Variants in CYP51A1 observed in about 807,000 individuals in gnomAD.
CYP51A1 encodes the protein lanosterol 14-alpha demethylase.
Under a neutral mutation model 53.5 loss-of-function variants are expected in CYP51A1, and 45 were observed. The observed-to-expected ratio is 0.84, with a 90% confidence interval of 0.66 to 1.08. The LOEUF is 1.08. CYP51A1 is among the 50% of genes least tolerant of loss of function. The pLI, the probability that CYP51A1 is intolerant of heterozygous loss-of-function variation, is 0.00. For synonymous variants in CYP51A1, 181 were observed against 217.7 expected (o/e 0.83, Z 1.48); for missense variants, 462 against 621.7 (o/e 0.74, Z 2.73).
At chr7:92,116,796 T>C (rs1047023485) in intron 9 of CYP51A1, among the ~76,000 whole-genome samples, 2 of 152,154 alleles carry the variant, frequency 1.3e-5, no homozygotes, top group African/African-American at 4.8e-5. Context: ...TCTATAAAAA[T>C]TAGACCTAAT....
intron 8 of CYP51A1, 111 bp from the exon 9 acceptor site, chr7:92,117,323 G>C (rs1819599153): frequency 3.5e-6 from 3 of 866,662 alleles, no homozygotes; most frequent in Admixed American, 2.7e-5. Flanking sequence ...GATGCTCCTT[G>C]ACTTATGATA....
At chr7:92,122,462 G>T (rs1369992599) in intron 7 of CYP51A1, among the ~76,000 whole-genome samples, 1 of 152,008 alleles carries the variant, frequency 6.6e-6, no homozygotes, top group African/African-American at 2.4e-5. Flanking sequence ...ACACCAGCAA[G>T]TTTATATGTA....
intron 4 of CYP51A1, among the ~76,000 whole-genome samples, chr7:92,127,260 C>T: frequency 6.6e-6 from 1 of 152,202 alleles, no homozygotes; most frequent in East Asian, 1.9e-4. Context: ...GCCCTGTGGG[C>T]AGATGTTGCT....
At chr7:92,121,006 C>T (rs182936725) in intron 7 of CYP51A1, among the ~76,000 whole-genome samples, 4 of 152,146 alleles carry the variant, frequency 2.6e-5, no homozygotes, top group East Asian at 1.9e-4. Flanking sequence ...AAACAAAATA[C>T]CAACTGGGCA....
chr7:92,114,510 T>G (rs1377819976), intron 9 of CYP51A1, among the ~76,000 whole-genome samples: 1 of 152,156 alleles, frequency 6.6e-6, no homozygotes, highest in Non-Finnish European at 1.5e-5. Flanking sequence ...TTTTTATGGT[T>G]ATTTGATTAT....
intron 8 of CYP51A1, among the ~76,000 whole-genome samples, chr7:92,117,701 G>T (rs1819605516): frequency 6.6e-6 from 1 of 152,110 alleles, no homozygotes. Context: ...TTAAAGATTA[G>T]CATGTAGGCC....
chr7:92,134,054 A>G (rs966396294), intron 1 of CYP51A1, 119 bp downstream of exon 1: 6 of 930,378 alleles, frequency 6.4e-6, no homozygotes, highest in Non-Finnish European at 9.4e-6. Context: ...GCATGGCCGC[A>G]GTCGCCCCCG....
At chr7:92,118,675 T>C (rs968127547) in intron 7 of CYP51A1, 60 bp from the exon 8 acceptor site, 2 of 965,384 alleles carry the variant, frequency 2.1e-6, no homozygotes, top group African/African-American at 3.2e-5. Context: ...GTACAAAAAA[T>C]TAGTTTAACT....
chr7:92,117,372 T>C (rs924582271), intron 8 of CYP51A1, 160 bp from the exon 9 acceptor site: 7 of 572,324 alleles, frequency 1.2e-5, no homozygotes, highest in Non-Finnish European at 2.1e-5. Context: ...AGTCAAAAAA[T>C]TATAAGTTGA....
intron 1 of CYP51A1, among the ~76,000 whole-genome samples, chr7:92,133,412 A>G (rs973635538): frequency 6.6e-6 from 1 of 152,040 alleles, no homozygotes; most frequent in African/African-American, 2.4e-5. Flanking sequence ...GTGCCACCAC[A>G]TCCAGCTAAT....
chr7:92,118,013 C>T (rs570589787), intron 8 of CYP51A1, among the ~76,000 whole-genome samples: 7 of 150,798 alleles, frequency 4.6e-5, no homozygotes, highest in Non-Finnish European at 7.4e-5. Flanking sequence ...CAGATTAGCA[C>T]GTATACTATC....
At chr7:92,133,774 G>GA (rs1293039556) in intron 1 of CYP51A1, among the ~76,000 whole-genome samples, 1 of 151,920 alleles carries the variant, frequency 6.6e-6, no homozygotes, top group Non-Finnish European at 1.5e-5. Flanking sequence ...CCCCACCAAG[G>GA]GCCCCAACGA....
At position 92,134,175 on chromosome 7, in the gene CYP51A1, C is replaced by A; in HGVS notation, c.190G>T (p.Val64Leu). Residue 64 changes from valine (V) to leucine (L), a missense_variant and splice_region_variant, in exon 1 of 10, where the codon GTG (valine) becomes TTG (leucine). By Grantham distance (32) the Val-to-Leu change is conservative (BLOSUM62 1). Transcript: ENST00000003100. ...AGHLVQLPAG[V>L]KSPPYIFSPI... ...CAGACCCTAAAGAATGTACGTACCACCCCTGCGGGCAGCTGGACCAGGTGG... is the reference window on the plus strand; with the variant it reads ...CAGACCCTAAAGAATGTACGTACCAACCCTGCGGGCAGCTGGACCAGGTGG... 1 of 1,611,652 alleles carries A rather than the reference C, an allele frequency of 6.2e-7. No individual in the cohort carries two copies.
intron 2 of CYP51A1, among the ~76,000 whole-genome samples, chr7:92,131,531 C>T (rs1819917608): frequency 6.6e-6 from 1 of 152,122 alleles, no homozygotes; most frequent in Admixed American, 6.5e-5. Context: ...ACCATAGTTG[C>T]CAGAACTACA....
intron 5 of CYP51A1, among the ~76,000 whole-genome samples, chr7:92,125,765 G>A (rs1434775194): frequency 2.0e-5 from 3 of 152,216 alleles, no homozygotes; most frequent in Admixed American, 2.0e-4. Flanking sequence ...GGAGGCTGAG[G>A]CAGGTGGATC....
At chr7:92,125,584 C>G (rs1819782702) in intron 5 of CYP51A1, among the ~76,000 whole-genome samples, 2 of 152,140 alleles carry the variant, frequency 1.3e-5, no homozygotes, top group Non-Finnish European at 2.9e-5. Flanking sequence ...AACAAAGAAA[C>G]TTCACAATAC....
chr7:92,127,584 G>C lies in CYP51A1; in HGVS notation c.516C>G (p.Ala172=). 2 of 1,612,992 alleles carry C rather than the reference G, an allele frequency of 1.2e-6. No individual in the cohort carries two copies. Among genetic ancestry groups the C allele is most frequent in the Non-Finnish European group, 1.7e-6 (2 of 1,179,492 alleles). Residue 172 remains alanine (A), a synonymous_variant, in exon 4 of 10, where the codon GCC becomes GCG. Coordinates refer to ENST00000003100, the MANE Select transcript of CYP51A1 (RefSeq NM_000786.4). ...TTATAGAAACATGCTGTTTAAAGTG[G>C]GCTATGTTAAGGCCACTTTTTAACA... ...KKMLKSGLNI[A]HFKQHVSIIE... is the part of the protein sequence containing the mutation.
At chr7:92,124,803 C>T (rs1819761643) in intron 5 of CYP51A1, among the ~76,000 whole-genome samples, 1 of 152,194 alleles carries the variant, frequency 6.6e-6, no homozygotes, top group Non-Finnish European at 1.5e-5. Context: ...ATAGCAAGCT[C>T]TGACTTCATC....
intron 4 of CYP51A1, 118 bp downstream of exon 4, chr7:92,127,361 AATCATTACATAACCCTCCCATAAATC>A: frequency 1.4e-6 from 1 of 726,962 alleles, no homozygotes; most frequent in Non-Finnish European, 2.2e-6. Flanking sequence ...ACTTCATGGT[AATCATTACATAACCCTCCCATAAATC>A]TAAGGTAGTT....
Sources: allele counts gnomAD v4.1 joint callset (sites outside exome capture counted in the v4.1 genomes callset), GRCh38; gene constraint gnomAD v4.1.1; transcripts MANE v1.5; gene names NCBI Gene and HGNC (gene_info 2026-07-23, HGNC 2026-07-21).